DIAPH3: variants seen among roughly 807,000 people sequenced by gnomAD.
The protein encoded by DIAPH3 is protein diaphanous homolog 3.
In DIAPH3, 117 loss-of-function variants were observed where a neutral mutation model predicts 144.3. The observed-to-expected ratio is 0.81, with a 90% CI of 0.70 to 0.95. DIAPH3 has a LOEUF of 0.95. Ranked by LOEUF, DIAPH3 falls within the 40% of genes least tolerant of loss-of-function variation. The probability of loss-of-function intolerance (pLI) is 0.00; values close to 1 mark genes in which losing one functional copy is unlikely to be tolerated. For synonymous variants in DIAPH3, 519 were observed against 488.9 expected (o/e 1.06, Z -0.81); for missense variants, 1,421 against 1,412.7 (o/e 1.01, Z -0.09).
chr13:59,807,418 T>C (rs1369341753), intron 25 of DIAPH3, among the ~76,000 whole-genome samples: 2 of 152,072 alleles, frequency 1.3e-5, no homozygotes, highest in Non-Finnish European at 2.9e-5. Context: ...TCTTAAATCA[T>C]AGCTGTTTCA....
At chr13:59,788,082 A>G (rs2039127910) in intron 25 of DIAPH3, among the ~76,000 whole-genome samples, 1 of 152,216 alleles carries the variant, frequency 6.6e-6, no homozygotes, top group Non-Finnish European at 1.5e-5. Context: ...GGACTAAGAC[A>G]CCATAACAAA....
At chr13:59,825,813 T>C (rs1425862262) in intron 24 of DIAPH3, among the ~76,000 whole-genome samples, 5 of 152,210 alleles carry the variant, frequency 3.3e-5, no homozygotes, top group African/African-American at 1.2e-4. Flanking sequence ...TTCATGTGTC[T>C]TTTGGCTGCA....
chr13:59,768,951 C>T (rs1461237778), intron 27 of DIAPH3, among the ~76,000 whole-genome samples: 1 of 152,070 alleles, frequency 6.6e-6, no homozygotes, highest in African/African-American at 2.4e-5. Flanking sequence ...TATTTTGTCA[C>T]AGTTAAATAG....
intron 22 of DIAPH3, among the ~76,000 whole-genome samples, chr13:59,841,433 A>T (rs11843844): frequency 3.4e-5 from 5 of 146,658 alleles, no homozygotes; most frequent in South Asian, 2.2e-4. Context: ...TCCAAAAATT[A>T]AAAAAAAAAA....
intron 27 of DIAPH3, among the ~76,000 whole-genome samples, chr13:59,672,559 T>A (rs1285968670): frequency 6.6e-6 from 1 of 152,218 alleles, no homozygotes; most frequent in East Asian, 1.9e-4. Flanking sequence ...CTCATAAATA[T>A]AATTTTAAAG....
Position 60,052,982 on chromosome 13 carries a change from AAAT to A in DIAPH3, c.496-10165_496-10163del, listed in dbSNP as rs1169640225. ...CTTAAAAAAAAAAAAAAAAAAAAAG[AAAT>A]AATAATAAGAAAGAAGAAAAGTCAC... On this transcript the variant is annotated intron_variant, in intron 4 of 27. Transcript: ENST00000400324. Among the ~76,000 whole-genome samples, 290 of 145,440 alleles carry A rather than the reference AAAT, an allele frequency of 2.0e-3. 4 individuals are homozygous for A. The highest frequency in any genetic ancestry group is 7.1e-3 in the African/African-American group (283 of 39,604).
At chr13:59,902,638 T>C (rs892943701) in intron 20 of DIAPH3, among the ~76,000 whole-genome samples, 2 of 152,012 alleles carry the variant, frequency 1.3e-5, no homozygotes, top group African/African-American at 4.8e-5. Context: ...TAGCCAAGCA[T>C]GGTGGCGCAC....
chr13:59,782,690 T>C (rs1447960551), intron 25 of DIAPH3, among the ~76,000 whole-genome samples: 1 of 152,158 alleles, frequency 6.6e-6, no homozygotes, highest in Non-Finnish European at 1.5e-5. Flanking sequence ...ACACAACAGG[T>C]TGAATATTAT....
intron 25 of DIAPH3, among the ~76,000 whole-genome samples, chr13:59,785,484 AC>A (rs1421896102): frequency 2.0e-5 from 3 of 152,140 alleles, no homozygotes; most frequent in Non-Finnish European, 4.4e-5. Context: ...GCCTCCTCAT[AC>A]CTATAAGATG....
chr13:59,999,206 T>C (rs1258335307), intron 9 of DIAPH3, among the ~76,000 whole-genome samples: 1 of 152,148 alleles, frequency 6.6e-6, no homozygotes, highest in Non-Finnish European at 1.5e-5. Context: ...GTCTGATTAT[T>C]GCCCATTGAC....
chr13:59,703,715 G>T (rs539045617), intron 27 of DIAPH3, among the ~76,000 whole-genome samples: 148 of 152,004 alleles, frequency 9.7e-4, no homozygotes, highest in African/African-American at 3.5e-3. Flanking sequence ...TCAGTATTTG[G>T]ATCATCTAAA....
At chr13:59,946,125 G>A (rs941911126) in intron 17 of DIAPH3, among the ~76,000 whole-genome samples, 1 of 151,800 alleles carries the variant, frequency 6.6e-6, no homozygotes, top group Non-Finnish European at 1.5e-5. Flanking sequence ...CATACTTAGC[G>A]CTCAGATTTT....
intron 2 of DIAPH3, among the ~76,000 whole-genome samples, chr13:60,130,086 T>C (rs1453413475): frequency 2.6e-5 from 4 of 152,188 alleles, no homozygotes; most frequent in Non-Finnish European, 5.9e-5. Flanking sequence ...AATCAAATAA[T>C]TGATTTGCCA....
At chr13:59,924,536 A>C (rs1369589564) in intron 18 of DIAPH3, among the ~76,000 whole-genome samples, 1 of 149,298 alleles carries the variant, frequency 6.7e-6, no homozygotes, top group Non-Finnish European at 1.5e-5. Flanking sequence ...TTTTTTTTTC[A>C]GTTATGAAAG....
chr13:59,708,827 T>TATA (rs2034569024), intron 27 of DIAPH3, among the ~76,000 whole-genome samples: 1 of 152,084 alleles, frequency 6.6e-6, no homozygotes, highest in Admixed American at 6.5e-5. Flanking sequence ...ATATTGCTTT[T>TATA]ATAATAATAA....
At chr13:59,773,996 C>A in intron 27 of DIAPH3, 193 bp downstream of exon 27, 3 of 535,728 alleles carry the variant, frequency 5.6e-6, no homozygotes, top group Non-Finnish European at 6.5e-6. Flanking sequence ...GAACCTAAGA[C>A]ACAACCTCAA....
intron 17 of DIAPH3, among the ~76,000 whole-genome samples, chr13:59,934,317 T>A (rs1400870259): frequency 6.6e-6 from 1 of 152,182 alleles, no homozygotes; most frequent in Non-Finnish European, 1.5e-5. Flanking sequence ...AAATTTTACA[T>A]GTTAATGTTT....
Position 59,722,112 on chromosome 13 carries a change from C to T in DIAPH3, c.3319+52077G>A, listed in dbSNP as rs190929074. 1.2e-3 allele frequency among the ~76,000 whole-genome samples: 181 copies of T among 152,282 alleles called. 2 individuals carry two copies. The highest frequency in any genetic ancestry group is 2.0e-3 in the Non-Finnish European group (136 of 68,018). On this transcript the variant is annotated intron_variant, in intron 27 of 27. Transcript: ENST00000400324. The stretch of plus-strand genomic sequence containing the variant: ...TTATCCCTGTCAAAGGTTCTGCATT[C>T]AAAGCCCTTAGGAATTCAAAGCCAC...
chr13:59,920,328 T>C (rs1311857707), intron 18 of DIAPH3, among the ~76,000 whole-genome samples: 1 of 151,648 alleles, frequency 6.6e-6, no homozygotes, highest in Non-Finnish European at 1.5e-5. Flanking sequence ...TAAAGACACA[T>C]ATAAACCAAG....
Sources: gnomAD v4.1 joint callset for allele counts (sites outside exome capture counted in the v4.1 genomes callset) on GRCh38, gnomAD v4.1.1 for gene constraint, MANE v1.5 for transcripts, NCBI Gene and HGNC (gene_info 2026-07-23, HGNC 2026-07-21) for gene names.